The following PRKCB variants were observed in gnomAD, a reference collection of about 807,000 sequenced individuals.
PRKCB encodes protein kinase C beta type.
A neutral mutation model predicts 81.5 loss-of-function variants in PRKCB; 13 were observed. The observed-to-expected ratio is 0.16, with a 90% CI of 0.10 to 0.25. The LOEUF is 0.25. Among genes scored for constraint, PRKCB ranks in the 10% least tolerant of loss-of-function variants. The probability of loss-of-function intolerance (pLI) is 1.00; values close to 1 mark genes in which losing one functional copy is unlikely to be tolerated. For synonymous variants in PRKCB, 335 were observed against 321.4 expected (o/e 1.04, Z -0.45); for missense variants, 509 against 875.7 (o/e 0.58, Z 5.29).
intron 2 of PRKCB, among the ~76,000 whole-genome samples, chr16:23,983,600 C>T (rs1964765890): frequency 6.6e-6 from 1 of 152,132 alleles, no homozygotes; most frequent in Non-Finnish European, 1.5e-5. Context: ...ATTCACCAAA[C>T]ATTTATTTAC....
intron 16 of PRKCB, among the ~76,000 whole-genome samples, chr16:24,209,167 CA>C (rs1292025047): frequency 2.0e-5 from 3 of 152,146 alleles, no homozygotes; most frequent in African/African-American, 7.2e-5. Flanking sequence ...TGTGTCTCAG[CA>C]AATGTGCTTC....
At chr16:24,154,294 T>G (rs374747) in intron 9 of PRKCB, among the ~76,000 whole-genome samples, 1 of 152,096 alleles carries the variant, frequency 6.6e-6, no homozygotes, top group East Asian at 1.9e-4. Context: ...CTGGGCAACA[T>G]AGTGAGACCT....
chr16:24,217,270 TC>T lies in PRKCB; in HGVS notation c.*2455del. The T allele has an allele frequency of 1.0e-6, 1 of 985,412 alleles. No individual in the cohort carries two copies. Among genetic ancestry groups the T allele is most frequent in the Non-Finnish European group, 1.2e-6 (1 of 829,900 alleles). 61.0% of individuals were successfully genotyped at this position (985,412 alleles called of 1,614,324 possible). A position where few individuals can be genotyped will look rare whatever the true frequency, so the allele number is the denominator to read the frequency against. On this transcript the variant is annotated 3_prime_UTR_variant, in exon 17 of 17. Coordinates refer to ENST00000643927, the MANE Select transcript of PRKCB (RefSeq NM_002738.7). ...TTTAATAGTTTGCAGAAATAGATAC[TC>T]AAGCCAAAGTCTGTTTTAGAGAAAC... is the stretch of plus-strand genomic sequence containing the variant.
intron 5 of PRKCB, among the ~76,000 whole-genome samples, chr16:24,068,991 A>G (rs1190712153): frequency 6.6e-6 from 1 of 152,242 alleles, no homozygotes; most frequent in Non-Finnish European, 1.5e-5. Flanking sequence ...AATGTTTACC[A>G]TATGCCAGAC....
intron 2 of PRKCB, among the ~76,000 whole-genome samples, chr16:23,886,536 C>G (rs1597228634): frequency 6.6e-6 from 1 of 150,908 alleles, no homozygotes; most frequent in Admixed American, 6.6e-5. Flanking sequence ...CCTCAGCCTC[C>G]TGAGTAGCTG....
At position 24,016,437 on chromosome 16, in the gene PRKCB, A is replaced by T. The variant is rs554800675; in HGVS notation, c.289-15699A>T. On this transcript the variant is annotated intron_variant, in intron 3 of 16. Transcript: ENST00000643927. ...GTTGAAACAACAGGTATAAATCTCC[A>T]AGCAGAAAAGACTCGCTTAACATGG... Among the ~76,000 whole-genome samples, 11 of 151,974 alleles carry T rather than the reference A, an allele frequency of 7.2e-5. No individual in the cohort carries two copies. The East Asian group carries it at 2.1e-3, about 30-fold the overall frequency.
chr16:24,030,230 G>A (rs1226087532), intron 3 of PRKCB, among the ~76,000 whole-genome samples: 1 of 152,190 alleles, frequency 6.6e-6, no homozygotes, highest in Non-Finnish European at 1.5e-5. Context: ...AACTTTTACA[G>A]AAAGAGTTCT....
At chr16:24,072,043 G>A (rs139354877) in intron 5 of PRKCB, among the ~76,000 whole-genome samples, 133 of 106,258 alleles carry the variant, frequency 1.3e-3, no homozygotes, top group African/African-American at 4.6e-3. Context: ...CCCCACCCCC[G>A]CCTTTTGTTT....
At chr16:24,106,778 G>GTT (rs1290976360) in intron 7 of PRKCB, among the ~76,000 whole-genome samples, 2 of 152,104 alleles carry the variant, frequency 1.3e-5, no homozygotes, top group Admixed American at 6.5e-5. Context: ...TAGAAATTAT[G>GTT]TTGAACATTT....
chr16:24,126,612 G>T (rs1966844690), intron 9 of PRKCB, among the ~76,000 whole-genome samples: 1 of 152,102 alleles, frequency 6.6e-6, no homozygotes, highest in African/African-American at 2.4e-5. Context: ...TGTTGCCCAG[G>T]CTGGAGTGCA....
chr16:24,048,553 A>G (rs754034221), intron 5 of PRKCB, among the ~76,000 whole-genome samples: 5 of 151,442 alleles, frequency 3.3e-5, no homozygotes, highest in Non-Finnish European at 5.9e-5. Flanking sequence ...GCAGTGGCAC[A>G]ATCTCAGCTC....
At chr16:24,132,412 T>G (rs1411966441) in intron 9 of PRKCB, among the ~76,000 whole-genome samples, 1 of 152,228 alleles carries the variant, frequency 6.6e-6, no homozygotes, top group Non-Finnish European at 1.5e-5. Flanking sequence ...AAGAAGTATT[T>G]ATTGAGCATC....
intron 2 of PRKCB, among the ~76,000 whole-genome samples, chr16:23,981,689 C>T (rs1200938310): frequency 8.2e-6 from 1 of 121,576 alleles, no homozygotes; most frequent in African/African-American, 3.4e-5. Flanking sequence ...TTCCCCTTCC[C>T]TTCCCCTTCC....
At chr16:23,912,840 T>TTTATTGA (rs59682849) in intron 2 of PRKCB, among the ~76,000 whole-genome samples, 2 of 148,024 alleles carry the variant, frequency 1.4e-5, no homozygotes, top group East Asian at 2.0e-4. Flanking sequence ...TTATTTATTT[T>TTTATTGA]TTGATATGGA....
At position 24,123,909 on chromosome 16, in the gene PRKCB, T is replaced by C. The variant is rs1211012065; in HGVS notation, c.993T>C (p.Asn331=). Residue 331 remains asparagine (N), a synonymous_variant, in exon 9 of 17, where the codon AAT becomes AAC. Transcript: ENST00000643927. ...ACACTGTCTCCAAATTTGACAACAA[T>C]GGCAACAGAGACCGGATGAAACTGA... is the stretch of plus-strand genomic sequence containing the variant. ...TTNTVSKFDN[N]GNRDRMKLTD... 7 of 1,614,116 alleles carry C rather than the reference T, an allele frequency of 4.3e-6. No homozygotes were observed. The highest frequency in any genetic ancestry group is 4.5e-5 in the East Asian group (2 of 44,872).
intron 8 of PRKCB, among the ~76,000 whole-genome samples, chr16:24,120,711 C>G (rs912505591): frequency 5.9e-5 from 9 of 151,446 alleles, no homozygotes; most frequent in African/African-American, 9.7e-5. Flanking sequence ...TTTGTTCAGT[C>G]TACACTGCAG....
chr16:24,106,098 C>CA (rs199680545), intron 7 of PRKCB, among the ~76,000 whole-genome samples: 2 of 77,138 alleles, frequency 2.6e-5, no homozygotes, highest in African/African-American at 5.5e-5. Flanking sequence ...GGTCTTATTA[C>CA]AAAAAAAAAG....
intron 13 of PRKCB, among the ~76,000 whole-genome samples, chr16:24,183,061 C>T (rs438975): frequency 0.41 from 61,772 of 151,642 alleles, 12,797 homozygotes; most frequent in South Asian, 0.52. Flanking sequence ...GGGGTTTCAC[C>T]GTGTTAGCCA....
chr16:24,164,772 G>A (rs918747598), intron 10 of PRKCB, among the ~76,000 whole-genome samples: 114 of 152,186 alleles, frequency 7.5e-4, no homozygotes, highest in African/African-American at 2.6e-3. Flanking sequence ...ACTTCAAGTC[G>A]ATACGCAAGA....
Sources: allele counts gnomAD v4.1 joint callset (sites outside exome capture counted in the v4.1 genomes callset), GRCh38; gene constraint gnomAD v4.1.1; transcripts MANE v1.5; gene names NCBI Gene and HGNC (gene_info 2026-07-23, HGNC 2026-07-21).